CEP57: variants seen among roughly 807,000 people sequenced by gnomAD.
The protein encoded by CEP57 is centrosomal protein 57.
In CEP57, 40 loss-of-function variants were observed where a neutral mutation model predicts 68.0. The ratio of observed to expected loss-of-function variants is 0.59; its 90% confidence interval spans 0.46 to 0.77. The LOEUF is 0.77. Among genes scored for constraint, CEP57 ranks in the 30% least tolerant of loss-of-function variants. The pLI is 0.00. For missense variants in CEP57, 606 were observed against 580.7 expected (o/e 1.04, Z -0.45); for synonymous variants, 219 against 198.7 (o/e 1.10, Z -0.86).
intron 2 of CEP57, among the ~76,000 whole-genome samples, chr11:95,806,522 C>G (rs1197005126): frequency 6.6e-6 from 1 of 152,220 alleles, no homozygotes; most frequent in East Asian, 1.9e-4. Flanking sequence ...CACTCCCACC[C>G]TAATACTGTG....
At position 95,790,579 on chromosome 11, in the gene CEP57, C is replaced by T. The variant is rs1218573100; in HGVS notation, c.-120C>T. ...CCAAGCCCAGCACCAGCACCCTTGC[C>T]CTTTTCCATCAGGGGTTCAGCCTAG... On this transcript the variant is annotated 5_prime_UTR_variant, in exon 1 of 11. Transcript: ENST00000325542. 10 of 1,232,450 alleles carry T rather than the reference C, an allele frequency of 8.1e-6. No individual in the cohort carries two copies. The highest frequency in any genetic ancestry group is 2.3e-6 in the Non-Finnish European group (2 of 859,458). The allele number at this position is 1,232,450 out of a possible 1,614,324, so 76.3% of individuals were successfully genotyped here. A position where few individuals can be genotyped will look rare whatever the true frequency, so the allele number is the denominator to read the frequency against.
intron 8 of CEP57, among the ~76,000 whole-genome samples, chr11:95,825,419 A>G (rs1862694941): frequency 6.6e-6 from 1 of 152,192 alleles, no homozygotes; most frequent in South Asian, 2.1e-4. Context: ...TGGAGAAATT[A>G]AAGAGTCAGT....
chr11:95,797,601 C>T (rs1658335784), intron 1 of CEP57, among the ~76,000 whole-genome samples: 1 of 152,108 alleles, frequency 6.6e-6, no homozygotes, highest in African/African-American at 2.4e-5. Context: ...TACCCTATCA[C>T]TTAAGAAATT....
intron 1 of CEP57, 35 bp from the exon 2 acceptor site, chr11:95,799,197 A>G (rs1258284859): frequency 8.7e-6 from 14 of 1,611,846 alleles, no homozygotes; most frequent in Admixed American, 1.7e-5. Flanking sequence ...TGTGGTTCAC[A>G]CTTTTGAAAG....
chr11:95,824,481 G>A (rs1565331416), intron 8 of CEP57, among the ~76,000 whole-genome samples: 1 of 152,150 alleles, frequency 6.6e-6, no homozygotes, highest in East Asian at 1.9e-4. Flanking sequence ...TAAAGCTGGA[G>A]AATTTAATTC....
chr11:95,808,410 GAC>G (rs1182222193), intron 2 of CEP57, among the ~76,000 whole-genome samples: 1 of 152,072 alleles, frequency 6.6e-6, no homozygotes, highest in East Asian at 1.9e-4. Flanking sequence ...CCAATTAAAA[GAC>G]ACAGACTGGC....
At chr11:95,807,647 A>C (rs1008133334) in intron 2 of CEP57, among the ~76,000 whole-genome samples, 3 of 152,200 alleles carry the variant, frequency 2.0e-5, no homozygotes, top group African/African-American at 7.2e-5. Flanking sequence ...AATGAAATGA[A>C]GCGAGAAGAG....
At chr11:95,828,507 T>C (rs1055723695) in intron 9 of CEP57, among the ~76,000 whole-genome samples, 2 of 152,210 alleles carry the variant, frequency 1.3e-5, no homozygotes, top group Non-Finnish European at 1.5e-5. Flanking sequence ...AATATGATAC[T>C]AAAGTCTTAC....
At chr11:95,828,959 GTGAACC>G (rs1489814772) in intron 9 of CEP57, among the ~76,000 whole-genome samples, 1 of 151,222 alleles carries the variant, frequency 6.6e-6, no homozygotes, top group African/African-American at 2.4e-5. Context: ...GGAGAATGGC[GTGAACC>G]CGGGAGGCAG....
intron 2 of CEP57, among the ~76,000 whole-genome samples, chr11:95,810,460 T>G (rs894835027): frequency 2.0e-5 from 3 of 152,190 alleles, no homozygotes; most frequent in African/African-American, 7.2e-5. Flanking sequence ...CCCTATCGTC[T>G]CAGCCCAAAA....
intron 4 of CEP57, among the ~76,000 whole-genome samples, chr11:95,816,520 T>C (rs1862303202): frequency 6.6e-6 from 1 of 152,204 alleles, no homozygotes; most frequent in Non-Finnish European, 1.5e-5. Flanking sequence ...TTTTGACTAA[T>C]ATATGTCTTG....
chr11:95,807,401 C>T (rs2097080), intron 2 of CEP57, among the ~76,000 whole-genome samples: 34,884 of 152,044 alleles, frequency 0.23, 8,533 homozygotes, highest in African/African-American at 0.62. Context: ...TTCAAACGAT[C>T]GGTGATAACA....
rs752448256 is a variant in CEP57 at position 95,829,266 on chromosome 11, G to A, written c.1207G>A (p.Ala403Thr). The change falls in exon 10 of 11, where the codon GCA becomes ACA. Residue 403 changes from alanine to threonine, a missense_variant. Coordinates refer to ENST00000325542, the MANE Select transcript of CEP57 (RefSeq NM_014679.5). ...LKDKLECELE[A>T]LVGRMEAKAN... is the part of the protein sequence containing the mutation. ...AGACAAGTTGGAGTGTGAATTGGAGGCATTAGTGGGAAGGATGGAAGCAAA... is the reference window on the plus strand; with the variant it reads ...AGACAAGTTGGAGTGTGAATTGGAGACATTAGTGGGAAGGATGGAAGCAAA... 3 of 1,614,032 alleles carry A rather than the reference G, an allele frequency of 1.9e-6. No homozygotes were observed. The highest frequency in any genetic ancestry group is 1.7e-6 in the Non-Finnish European group (2 of 1,179,982).
chr11:95,819,637 T>C (rs1401157989), intron 6 of CEP57, among the ~76,000 whole-genome samples: 1 of 152,230 alleles, frequency 6.6e-6, no homozygotes, highest in Non-Finnish European at 1.5e-5. Context: ...CAGGGTCTTT[T>C]ATTTTTATGA....
intron 1 of CEP57, among the ~76,000 whole-genome samples, chr11:95,794,569 A>AGTGTGT (rs111888918): frequency 4.0e-5 from 6 of 149,964 alleles, no homozygotes; most frequent in African/African-American, 1.5e-4. Context: ...AACCTTTACT[A>AGTGTGT]GTGTGTGTGT....
At chr11:95,815,269 T>C (rs915287387) in intron 4 of CEP57, 8 of 152,212 alleles carry the variant, frequency 5.3e-5, no homozygotes, top group African/African-American at 1.9e-4. Context: ...GTCTCAGTAA[T>C]TAATTCTTGT....
intron 1 of CEP57, among the ~76,000 whole-genome samples, chr11:95,793,449 A>G (rs1352032109): frequency 1.3e-5 from 2 of 152,214 alleles, no homozygotes; most frequent in South Asian, 4.1e-4. Context: ...GTAGCTCCAT[A>G]TTAATTTCCC....
intron 6 of CEP57, among the ~76,000 whole-genome samples, chr11:95,821,388 G>GT (rs557432743): frequency 6.6e-6 from 1 of 151,936 alleles, no homozygotes; most frequent in Admixed American, 6.6e-5. Context: ...AGCTTCCAGT[G>GT]TTTTTTGTTT....
At chr11:95,791,182 A>G (rs1378029221) in intron 1 of CEP57, among the ~76,000 whole-genome samples, 1 of 152,152 alleles carries the variant, frequency 6.6e-6, no homozygotes, top group African/African-American at 2.4e-5. Flanking sequence ...TCGAGCGCTT[A>G]CTAGTCGTTG....
Sources: gnomAD v4.1 joint callset for allele counts (sites outside exome capture counted in the v4.1 genomes callset) on GRCh38, gnomAD v4.1.1 for gene constraint, MANE v1.5 for transcripts, NCBI Gene and HGNC (gene_info 2026-07-23, HGNC 2026-07-21) for gene names.